Variants in EMILIN2 observed in about 807,000 individuals in gnomAD.
The protein encoded by EMILIN2 is EMILIN-2.
EMILIN2 carries 71 observed loss-of-function variants against 87.1 expected under a neutral mutation model. That is an observed-to-expected ratio of 0.82 (90% confidence interval 0.67 to 0.99). The LOEUF is 0.99. Among genes scored for constraint, EMILIN2 ranks in the 50% least tolerant of loss-of-function variants. The probability of loss-of-function intolerance (pLI) is 0.00; values close to 1 mark genes in which losing one functional copy is unlikely to be tolerated. For synonymous variants in EMILIN2, 581 were observed against 563.4 expected (o/e 1.03, Z -0.44); for missense variants, 1,407 against 1,371.8 (o/e 1.03, Z -0.40).
intron 7 of EMILIN2, among the ~76,000 whole-genome samples, chr18:2,911,889 T>C (rs28495465): frequency 1.3e-5 from 2 of 152,110 alleles, no homozygotes; most frequent in African/African-American, 4.8e-5. Flanking sequence ...ACGCCAGGGC[T>C]GGTGCTGGCC....
At chr18:2,853,339 G>T (rs1294221210) in intron 2 of EMILIN2, among the ~76,000 whole-genome samples, 1 of 152,050 alleles carries the variant, frequency 6.6e-6, no homozygotes. Context: ...CCCAGCGATC[G>T]CCCGTCAGTG....
At chr18:2,854,771 A>T (rs1375324279) in intron 2 of EMILIN2, among the ~76,000 whole-genome samples, 1 of 152,158 alleles carries the variant, frequency 6.6e-6, no homozygotes, top group Non-Finnish European at 1.5e-5. Context: ...TGAGGCGTGG[A>T]TGACAGAGTC....
rs949215958 is a variant in EMILIN2 at position 2,907,054 on chromosome 18, C to A, written c.2631C>A (p.Val877=). 7.9e-7 allele frequency: 1 copy of A among 1,270,330 alleles called. No homozygotes were observed. Among genetic ancestry groups the A allele is most frequent in the Non-Finnish European group, 9.9e-7 (1 of 1,012,494 alleles). 78.7% of individuals were successfully genotyped at this position (1,270,330 alleles called of 1,614,324 possible). The change falls in exon 5 of 8, where the codon GTC becomes GTA. Residue 877 remains valine (V), a synonymous_variant. Transcript: ENST00000254528. The stretch of plus-strand genomic sequence containing the variant: ...ACGGCCAGACCGGGAGCGGCACCGT[C>A]CCCGGCGCAGAAGGCTTCGCGGGCG... ...GVDGQTGSGT[V]PGAEGFAGAP...
At chr18:2,869,744 C>T (rs941913194) in intron 2 of EMILIN2, among the ~76,000 whole-genome samples, 2 of 150,084 alleles carry the variant, frequency 1.3e-5, no homozygotes, top group African/African-American at 5.0e-5. Flanking sequence ...TAGTTGATTA[C>T]TTTTTGTTGT....
intron 2 of EMILIN2, among the ~76,000 whole-genome samples, chr18:2,872,917 G>A (rs1598491193): frequency 6.6e-6 from 1 of 152,166 alleles, no homozygotes; most frequent in South Asian, 2.1e-4. Context: ...TTGAGGCAAA[G>A]TGAAGTCTTT....
intron 2 of EMILIN2, among the ~76,000 whole-genome samples, chr18:2,875,660 G>C (rs1442609984): frequency 8.0e-6 from 1 of 125,258 alleles, no homozygotes; most frequent in Non-Finnish European, 1.7e-5. Context: ...ACAGTGGAAG[G>C]CATGCATGAG....
chr18:2,878,417 G>C (rs1309810677), intron 2 of EMILIN2, among the ~76,000 whole-genome samples: 1 of 152,056 alleles, frequency 6.6e-6, no homozygotes, highest in Non-Finnish European at 1.5e-5. Context: ...TTGAACCCTG[G>C]AGGTGGAGGT....
chr18:2,860,390 C>T (rs2076654727), intron 2 of EMILIN2, among the ~76,000 whole-genome samples: 1 of 152,114 alleles, frequency 6.6e-6, no homozygotes, highest in African/African-American at 2.4e-5. Flanking sequence ...CTCCCACTTC[C>T]CCCAACCCCA....
At chr18:2,867,605 G>A (rs997616469) in intron 2 of EMILIN2, among the ~76,000 whole-genome samples, 6 of 152,188 alleles carry the variant, frequency 3.9e-5, no homozygotes, top group South Asian at 2.1e-4. Context: ...ATCTTGCACC[G>A]CCCTTAATCC....
intron 3 of EMILIN2, among the ~76,000 whole-genome samples, chr18:2,885,826 A>G (rs1221037239): frequency 3.9e-5 from 6 of 152,136 alleles, no homozygotes; most frequent in Admixed American, 2.0e-4. Flanking sequence ...CCATCACTTC[A>G]TCTTTTTAAG....
intron 4 of EMILIN2, among the ~76,000 whole-genome samples, chr18:2,900,159 A>C (rs2076882218): frequency 1.3e-5 from 2 of 152,160 alleles, no homozygotes; most frequent in South Asian, 4.1e-4. Context: ...AACCAAATTC[A>C]AAAACAGCAT....
chr18:2,907,128 G>C, intron 5 of EMILIN2, 43 bp downstream of exon 5: 1 of 1,229,050 alleles, frequency 8.1e-7, no homozygotes, highest in Non-Finnish European at 1.0e-6. Context: ...GGGCTCTCCC[G>C]GAACTTCCGC....
At chr18:2,881,746 C>T (rs555080910) in intron 2 of EMILIN2, among the ~76,000 whole-genome samples, 4 of 152,364 alleles carry the variant, frequency 2.6e-5, no homozygotes, top group Non-Finnish European at 2.9e-5. Context: ...AGAGGAACCA[C>T]GTTTTTCTGA....
intron 2 of EMILIN2, among the ~76,000 whole-genome samples, chr18:2,858,569 A>ATATATATATATATATATATATG (rs1305555851): frequency 3.6e-5 from 2 of 55,428 alleles, no homozygotes; most frequent in Non-Finnish European, 6.0e-5. Context: ...ATATATATAT[A>ATATATATATATATATATATATG]TGTGTGTGTG....
At position 2,891,919 on chromosome 18, in the gene EMILIN2, G is replaced by A. The variant is rs115304890; in HGVS notation, c.1792G>A (p.Glu598Lys). 175 of 1,614,194 alleles carry A rather than the reference G, an allele frequency of 1.1e-4. No homozygotes were observed. In the Middle Eastern group the frequency reaches 3.1e-3, roughly 29 times the overall value. ...GATGCACAGGAAGTTTCAAGAAACC[G>A]AACAAACCATCCAGAAACTTCAACA... ...DTMHRKFQET[E>K]QTIQKLQQDF... Residue 598 changes from glutamate (E) to lysine (K), a missense_variant, in exon 4 of 8, where the codon GAA (glutamate) becomes AAA (lysine). Transcript: ENST00000254528. The surrounding 1 kb of genome is among the most constrained non-coding windows in gnomAD (Gnocchi z 4.6).
intron 6 of EMILIN2, 132 bp downstream of exon 6, chr18:2,909,107 A>G (rs1478685906): frequency 7.0e-6 from 8 of 1,138,640 alleles, no homozygotes; most frequent in Non-Finnish European, 9.3e-6. Flanking sequence ...TTCCCCACCC[A>G]CCAGCACTGG....
chr18:2,875,821 G>A (rs188355376), intron 2 of EMILIN2, among the ~76,000 whole-genome samples: 77 of 152,278 alleles, frequency 5.1e-4, no homozygotes, highest in Middle Eastern at 3.4e-3. Context: ...ACCAAGCCTC[G>A]CAGCAGAGCT....
rs1486503651 is a variant in EMILIN2 at position 2,890,145 on chromosome 18, G to A, written c.434-416G>A. On this transcript the variant is annotated intron_variant, in intron 3 of 7. Coordinates refer to ENST00000254528, the MANE Select transcript of EMILIN2 (RefSeq NM_032048.3). The surrounding 1 kb of genome is among the most constrained non-coding windows in gnomAD (Gnocchi z 4.7). ...TTTTACTGTATGCAGTCAACTCTTGGGGTGTGGCTGCAGTTCACTAATATG... is the reference window on the plus strand; with the variant it reads ...TTTTACTGTATGCAGTCAACTCTTGAGGTGTGGCTGCAGTTCACTAATATG... Among the ~76,000 whole-genome samples, 2 of 152,160 alleles carry A rather than the reference G, an allele frequency of 1.3e-5. No homozygotes were observed. Among genetic ancestry groups the A allele is most frequent in the African/African-American group, 4.8e-5 (2 of 41,430 alleles).
intron 3 of EMILIN2, among the ~76,000 whole-genome samples, chr18:2,885,945 A>G (rs949196774): frequency 6.6e-6 from 1 of 152,234 alleles, no homozygotes; most frequent in African/African-American, 2.4e-5. Flanking sequence ...TCTTCCCAAC[A>G]TTGTCTGTAA....
Sources: allele counts gnomAD v4.1 joint callset (sites outside exome capture counted in the v4.1 genomes callset), GRCh38; gene constraint gnomAD v4.1.1; non-coding constraint Gnocchi (gnomAD v3.1); transcripts MANE v1.5; gene names NCBI Gene and HGNC (gene_info 2026-07-23, HGNC 2026-07-21).